PCDH11X: variants seen among roughly 807,000 people sequenced by gnomAD.
The protein encoded by PCDH11X is protocadherin-11 X-linked.
PCDH11X carries 18 observed loss-of-function variants against 53.3 expected under a neutral mutation model. That is an observed-to-expected ratio of 0.34 (90% CI 0.23 to 0.50). The LOEUF (loss-of-function observed/expected upper bound fraction) is 0.50, where lower values mean the gene tolerates loss of function less well. Ranked by LOEUF, PCDH11X falls within the 20% of genes least tolerant of loss-of-function variation. The probability of loss-of-function intolerance (pLI) is 0.98; values close to 1 mark genes in which losing one functional copy is unlikely to be tolerated. For synonymous variants in PCDH11X, 279 were observed against 393.3 expected, an observed-to-expected ratio of 0.71 and a Z score of 3.44; for missense variants, 570 against 1,032.4, an observed-to-expected ratio of 0.55 and a Z score of 6.14.
At chrX:92,301,734 C>CTTTTTTTTTTTTTTTTTTTTTTTTTTT (rs1569459116) in intron 8 of PCDH11X, among the ~76,000 whole-genome samples, 1 of 109,757 alleles carries the variant, frequency 9.1e-6, no homozygotes, top group African/African-American at 3.4e-5. Flanking sequence ...GCTTCCTTTT[C>CTTTTTTTTTTTTTTTTTTTTTTTTTTT]TTGTGTTGTC....
At chrX:91,840,433 A>T (rs909084737) in intron 5 of PCDH11X, among the ~76,000 whole-genome samples, 6 of 111,581 alleles carry the variant, frequency 5.4e-5, no homozygotes, top group Non-Finnish European at 1.1e-4. Context: ...AGGCATCCTC[A>T]TCTTTTCCAT....
intron 4 of PCDH11X, among the ~76,000 whole-genome samples, chrX:91,823,022 C>T (rs1344013058): frequency 1.8e-5 from 2 of 109,300 alleles, no homozygotes; most frequent in Non-Finnish European, 3.8e-5. Context: ...AGTTTGATTG[C>T]ACTGTGGTCT....
At chrX:92,064,505 A>AATAAATAC (rs1434327271) in intron 6 of PCDH11X, among the ~76,000 whole-genome samples, 2 of 105,906 alleles carry the variant, frequency 1.9e-5, no homozygotes, top group Admixed American at 2.0e-4. Flanking sequence ...TAAATAAATA[A>AATAAATAC]ATAAATAAAT....
At chrX:92,542,985 TCAAAATTCTTTAGC>T (rs2074782487) in intron 10 of PCDH11X, among the ~76,000 whole-genome samples, 1 of 111,777 alleles carries the variant, frequency 8.9e-6, no homozygotes, top group Non-Finnish European at 1.9e-5. Context: ...TCATAAGACA[TCAAAATTCTTTAGC>T]CTACAATTTT....
intron 6 of PCDH11X, among the ~76,000 whole-genome samples, chrX:92,146,752 A>C (rs2065272882): frequency 9.0e-6 from 1 of 111,410 alleles, no homozygotes; most frequent in Non-Finnish European, 1.9e-5. Flanking sequence ...TAATCCCAGC[A>C]CTTTGGGAGG....
At chrX:92,499,277 A>G (rs1366066614) in intron 10 of PCDH11X, among the ~76,000 whole-genome samples, 1 of 92,922 alleles carries the variant, frequency 1.1e-5, no homozygotes, top group Admixed American at 1.3e-4. Context: ...TATCTAAGTT[A>G]ATTTAGATTT....
At chrX:91,927,622 T>G (rs1239428342) in intron 6 of PCDH11X, among the ~76,000 whole-genome samples, 4 of 111,965 alleles carry the variant, frequency 3.6e-5, no homozygotes, top group South Asian at 3.7e-4. Context: ...AGAGCTTTCA[T>G]GTCCAAATCT....
chrX:91,963,809 A>T (rs1420473677), intron 6 of PCDH11X, among the ~76,000 whole-genome samples: 1 of 110,823 alleles, frequency 9.0e-6, no homozygotes, highest in Non-Finnish European at 1.9e-5. Context: ...GGAAACTTAC[A>T]ATCATGGCAG....
intron 8 of PCDH11X, among the ~76,000 whole-genome samples, chrX:92,339,276 G>T (rs1046800598): frequency 8.9e-6 from 1 of 112,158 alleles, no homozygotes; most frequent in Admixed American, 9.4e-5. Flanking sequence ...AATAAAGATA[G>T]ATTAAATACT....
At chrX:92,573,276 A>T (rs1276243529) in intron 10 of PCDH11X, among the ~76,000 whole-genome samples, 1 of 112,132 alleles carries the variant, frequency 8.9e-6, no homozygotes, top group East Asian at 2.8e-4. Context: ...TTCAAGAAAG[A>T]AAAACAATCT....
At chrX:92,308,809 AT>A (rs1742476621) in intron 8 of PCDH11X, among the ~76,000 whole-genome samples, 1 of 111,226 alleles carries the variant, frequency 9.0e-6, no homozygotes, top group Admixed American at 9.6e-5. Context: ...AAACACTCAG[AT>A]TAAGAAATGG....
intron 6 of PCDH11X, among the ~76,000 whole-genome samples, chrX:92,110,942 C>T (rs896436773): frequency 1.8e-5 from 2 of 109,368 alleles, no homozygotes. Flanking sequence ...TTAGAGGAAC[C>T]AGGACATGCT....
At chrX:92,360,991 C>G (rs1316912579) in intron 8 of PCDH11X, among the ~76,000 whole-genome samples, 3 of 108,929 alleles carry the variant, frequency 2.8e-5, no homozygotes, top group Non-Finnish European at 5.7e-5. Flanking sequence ...TATTTCTTAA[C>G]ACATTATCCA....
chrX:92,115,652 G>A (rs7883343), intron 6 of PCDH11X, among the ~76,000 whole-genome samples: 15,916 of 110,139 alleles, frequency 0.14, 1,382 homozygotes, highest in East Asian at 0.43. Flanking sequence ...GAAGGCCTGA[G>A]AGCCCCTAGC....
chrX:92,355,277 A>T, intron 8 of PCDH11X, among the ~76,000 whole-genome samples: 1 of 69,344 alleles, frequency 1.4e-5, no homozygotes, highest in Non-Finnish European at 2.5e-5. Context: ...AATACAAAAA[A>T]TTAGCCGGGC....
At chrX:92,034,999 G>A (rs1401573726) in intron 6 of PCDH11X, among the ~76,000 whole-genome samples, 2 of 109,789 alleles carry the variant, frequency 1.8e-5, no homozygotes, top group Non-Finnish European at 3.8e-5. Flanking sequence ...CCTTAACATT[G>A]TTTGCATAAA....
At chrX:92,488,481 T>A (rs1010730666) in intron 10 of PCDH11X, among the ~76,000 whole-genome samples, 1 of 110,999 alleles carries the variant, frequency 9.0e-6, no homozygotes, top group African/African-American at 3.3e-5. Flanking sequence ...GATCTAGGTA[T>A]CTTACAAATA....
At chrX:92,058,405 A>C (rs1326949417) in intron 6 of PCDH11X, among the ~76,000 whole-genome samples, 1 of 110,374 alleles carries the variant, frequency 9.1e-6, no homozygotes, top group Non-Finnish European at 1.9e-5. Flanking sequence ...TGAATCTAAA[A>C]TAAAATCGAA....
rs992931587 is a variant in PCDH11X, at chrX:92,620,297, T to G, written c.*1357T>G. 2 of 110,977 alleles carry G rather than the reference T, an allele frequency of 1.8e-5. No homozygotes were observed. The highest frequency in any genetic ancestry group is 3.8e-5 in the Non-Finnish European group (2 of 52,937). The allele number at this position is 110,977 out of a possible 1,213,427, so 9.1% of individuals were successfully genotyped here. On this transcript the variant is annotated 3_prime_UTR_variant, in exon 11 of 11. Transcript: ENST00000682573. ...GTACTATTCATAGAAAACATTAGTTTTCTTCTGTTGTCTGTTATTTCCTTC... is the reference window on the plus strand; with the variant it reads ...GTACTATTCATAGAAAACATTAGTTGTCTTCTGTTGTCTGTTATTTCCTTC...
Sources: allele counts gnomAD v4.1 joint callset (sites outside exome capture counted in the v4.1 genomes callset), GRCh38; gene constraint gnomAD v4.1.1; transcripts MANE v1.5; gene names NCBI Gene and HGNC (gene_info 2026-07-23, HGNC 2026-07-21).